PAG1: variants seen among roughly 807,000 people sequenced by gnomAD.
The protein encoded by PAG1 is phosphoprotein membrane anchor with glycosphingolipid microdomains 1, also known as phosphoprotein associated with glycosphingolipid-enriched microdomains 1.
In PAG1, 23 loss-of-function variants were observed where a neutral mutation model predicts 31.7. The observed-to-expected ratio is 0.73, with a 90% CI of 0.52 to 1.03. PAG1 has a LOEUF of 1.03. Among genes scored for constraint, PAG1 ranks in the 50% least tolerant of loss-of-function variants. The probability of loss-of-function intolerance (pLI) is 0.00; values close to 1 mark genes in which losing one functional copy is unlikely to be tolerated. For missense variants in PAG1, 473 were observed against 540.7 expected (o/e 0.87, Z 1.24); for synonymous variants, 214 against 210.3 (o/e 1.02, Z -0.15).
At chr8:81,002,949 AG>A (rs1807812358) in intron 3 of PAG1, among the ~76,000 whole-genome samples, 1 of 152,216 alleles carries the variant, frequency 6.6e-6, no homozygotes, top group Non-Finnish European at 1.5e-5. Flanking sequence ...TGGAGAGGGC[AG>A]GGAAGGCAGA....
At chr8:81,061,706 G>A (rs1247685968) in intron 2 of PAG1, among the ~76,000 whole-genome samples, 1 of 152,202 alleles carries the variant, frequency 6.6e-6, no homozygotes, top group Non-Finnish European at 1.5e-5. Context: ...CCTTGTAGGT[G>A]AAGACTGACA....
At chr8:81,027,384 C>T (rs755442961) in intron 3 of PAG1, among the ~76,000 whole-genome samples, 7 of 152,118 alleles carry the variant, frequency 4.6e-5, no homozygotes, top group Non-Finnish European at 4.4e-5. Flanking sequence ...GACTGAGAAA[C>T]TTAAAAACAA....
intron 8 of PAG1, among the ~76,000 whole-genome samples, chr8:80,979,429 T>C (rs1807252561): frequency 6.6e-6 from 1 of 152,154 alleles, no homozygotes; most frequent in African/African-American, 2.4e-5. Context: ...CTGATGGGTC[T>C]TGGCAATTGA....
At chr8:81,032,820 C>T (rs1808398213) in intron 2 of PAG1, among the ~76,000 whole-genome samples, 1 of 152,190 alleles carries the variant, frequency 6.6e-6, no homozygotes, top group Non-Finnish European at 1.5e-5. Context: ...AGAAACAATG[C>T]CCCTCAACTG....
intron 3 of PAG1, among the ~76,000 whole-genome samples, chr8:81,018,380 C>T (rs1808106965): frequency 1.3e-5 from 2 of 152,322 alleles, no homozygotes; most frequent in South Asian, 4.1e-4. Context: ...ATTTTGAGCT[C>T]AGATTCAACA....
At chr8:81,070,891 T>C (rs1002580376) in intron 1 of PAG1, among the ~76,000 whole-genome samples, 5 of 152,172 alleles carry the variant, frequency 3.3e-5, no homozygotes, top group Admixed American at 6.5e-5. Context: ...TGCATCTAAG[T>C]AGACATCTGA....
chr8:81,047,241 T>C (rs1389086848), intron 2 of PAG1, among the ~76,000 whole-genome samples: 1 of 152,224 alleles, frequency 6.6e-6, no homozygotes, highest in Non-Finnish European at 1.5e-5. Context: ...AATGTATTTC[T>C]GCCTCTAGGT....
intron 2 of PAG1, chr8:81,067,598 A>G (rs570293626): frequency 6.6e-6 from 1 of 152,356 alleles, no homozygotes; most frequent in East Asian, 1.9e-4. Context: ...TTGTGAGCCA[A>G]AGATCAAATG....
intron 3 of PAG1, among the ~76,000 whole-genome samples, chr8:81,021,672 G>A (rs539179380): frequency 6.6e-6 from 1 of 151,752 alleles, no homozygotes; most frequent in South Asian, 2.1e-4. Context: ...TAAAAGAAAA[G>A]GGCAGATGTT....
intron 3 of PAG1, among the ~76,000 whole-genome samples, chr8:80,999,564 C>G (rs367564583): frequency 2.6e-5 from 4 of 152,164 alleles, no homozygotes; most frequent in African/African-American, 9.7e-5. Flanking sequence ...GAGAGACCGG[C>G]ACTCATCCTA....
intron 1 of PAG1, among the ~76,000 whole-genome samples, chr8:81,080,227 T>C (rs779989817): frequency 5.9e-5 from 9 of 152,162 alleles, no homozygotes; most frequent in Middle Eastern, 3.2e-3. Flanking sequence ...TTCTAGTTCA[T>C]GTATGCCTAT....
At chr8:81,082,947 G>A (rs537058957) in intron 1 of PAG1, among the ~76,000 whole-genome samples, 104 of 151,020 alleles carry the variant, frequency 6.9e-4, no homozygotes, top group African/African-American at 2.5e-3. Context: ...GATCTTCCTG[G>A]TTTTTGGTAT....
intron 2 of PAG1, among the ~76,000 whole-genome samples, chr8:81,064,147 TC>T (rs1400454676): frequency 6.6e-6 from 1 of 152,044 alleles, no homozygotes; most frequent in Non-Finnish European, 1.5e-5. Flanking sequence ...AAAGCAGTGG[TC>T]CCCAACCATT....
At chr8:81,087,972 T>G (rs912733386) in intron 1 of PAG1, among the ~76,000 whole-genome samples, 14 of 152,228 alleles carry the variant, frequency 9.2e-5, no homozygotes, top group African/African-American at 3.1e-4. Context: ...GAAAAAATAC[T>G]GATTTAAAGC....
chr8:81,062,279 C>T (rs1328854768), intron 2 of PAG1, among the ~76,000 whole-genome samples: 2 of 152,254 alleles, frequency 1.3e-5, no homozygotes, highest in African/African-American at 4.8e-5. Context: ...TTTAAGAACA[C>T]ACTAAACTCC....
At chr8:80,992,694 A>T (rs1807576574) in intron 4 of PAG1, among the ~76,000 whole-genome samples, 1 of 152,200 alleles carries the variant, frequency 6.6e-6, no homozygotes, top group South Asian at 2.1e-4. Flanking sequence ...TTTAATCATA[A>T]ACAATCCCTC....
At chr8:81,024,007 A>T (rs1808232163) in intron 3 of PAG1, among the ~76,000 whole-genome samples, 1 of 152,134 alleles carries the variant, frequency 6.6e-6, no homozygotes, top group African/African-American at 2.4e-5. Context: ...TAATTATAAA[A>T]ACTAATTAAA....
intron 2 of PAG1, among the ~76,000 whole-genome samples, chr8:81,042,407 T>TGAAA (rs1219819991): frequency 2.0e-5 from 3 of 152,210 alleles, no homozygotes; most frequent in African/African-American, 7.2e-5. Context: ...TGTCACTTGT[T>TGAAA]TTTCAAGCTT....
intron 1 of PAG1, among the ~76,000 whole-genome samples, chr8:81,079,716 A>G (rs1809234319): frequency 6.6e-6 from 1 of 152,036 alleles, no homozygotes. Context: ...AATACTTATT[A>G]TTATTATTAT....
Sources: gnomAD v4.1 joint callset for allele counts (sites outside exome capture counted in the v4.1 genomes callset) on GRCh38, gnomAD v4.1.1 for gene constraint, MANE v1.5 for transcripts, NCBI Gene and HGNC (gene_info 2026-07-23, HGNC 2026-07-21) for gene names.